Variants in MVB12B observed in about 807,000 individuals in gnomAD.
The protein encoded by MVB12B is multivesicular body subunit 12B.
MVB12B carries 16 observed loss-of-function variants against 41.6 expected under a neutral mutation model. That is an observed-to-expected ratio of 0.38 (90% CI 0.26 to 0.58). The LOEUF (loss-of-function observed/expected upper bound fraction) is 0.58, where lower values mean the gene tolerates loss of function less well. Ranked by LOEUF, MVB12B falls within the 20% of genes least tolerant of loss-of-function variation. The probability of loss-of-function intolerance (pLI) is 0.62; values close to 1 mark genes in which losing one functional copy is unlikely to be tolerated. For synonymous variants in MVB12B, 133 were observed against 139.7 expected, an observed-to-expected ratio of 0.95 and a Z score of 0.34; for missense variants, 274 against 380.2, an observed-to-expected ratio of 0.72 and a Z score of 2.32.
chr9:126,426,193 T>C (rs766610799), intron 7 of MVB12B, among the ~76,000 whole-genome samples: 5 of 152,226 alleles, frequency 3.3e-5, no homozygotes, highest in Non-Finnish European at 5.9e-5. Flanking sequence ...TCTGGCCTTT[T>C]ACAGAAAACA....
At chr9:126,357,560 T>C (rs1001067982) in intron 2 of MVB12B, among the ~76,000 whole-genome samples, 2 of 152,210 alleles carry the variant, frequency 1.3e-5, no homozygotes, top group East Asian at 1.9e-4. Context: ...TGTGTATTTG[T>C]TTATGATTTT....
rs1829420661 is a variant in MVB12B at position 126,340,631 on chromosome 9, G to A, written c.204+1G>A. 1 of 1,613,830 alleles carries A rather than the reference G, an allele frequency of 6.2e-7. No individual in the cohort carries two copies. The highest frequency in any genetic ancestry group is 1.3e-5 in the African/African-American group (1 of 74,928). On this transcript the variant is annotated splice_donor_variant, in intron 2 of 9. Coordinates refer to ENST00000361171, the MANE Select transcript of MVB12B (RefSeq NM_033446.3). LOFTEE classifies it high-confidence loss of function. This position sits in a 1 kb window ranked among gnomAD's most constrained non-coding sequence, Gnocchi z 4.0. ...CCGAGCCCCGACAGGCTATGACGTA[G>A]TAAGTCAAGATACTAGTTTGTACAT...
chr9:126,450,101 G>A (rs962288429), intron 7 of MVB12B, among the ~76,000 whole-genome samples: 2 of 152,254 alleles, frequency 1.3e-5, no homozygotes, highest in African/African-American at 4.8e-5. Context: ...TGAGAGCTCT[G>A]CAGTCAAGTT....
intron 7 of MVB12B, among the ~76,000 whole-genome samples, chr9:126,471,127 T>G (rs1833306604): frequency 6.6e-6 from 1 of 152,200 alleles, no homozygotes; most frequent in East Asian, 1.9e-4. Context: ...TGGTCTAAAC[T>G]CATTTCCTGC....
At chr9:126,454,854 A>G (rs939412878) in intron 7 of MVB12B, among the ~76,000 whole-genome samples, 37 of 151,798 alleles carry the variant, frequency 2.4e-4, no homozygotes, top group Admixed American at 1.3e-4. Context: ...GCTTTGACAC[A>G]TGGTAACAAC....
intron 6 of MVB12B, among the ~76,000 whole-genome samples, chr9:126,408,928 C>T (rs1369634393): frequency 6.6e-6 from 1 of 152,160 alleles, no homozygotes; most frequent in African/African-American, 2.4e-5. Flanking sequence ...CTGTTGCAAA[C>T]ATTCCCCTCC....
intron 7 of MVB12B, among the ~76,000 whole-genome samples, chr9:126,429,842 C>T (rs1016437121): frequency 2.6e-5 from 4 of 152,162 alleles, no homozygotes; most frequent in Non-Finnish European, 5.9e-5. Flanking sequence ...GTGCGAGTGC[C>T]TCCTCCTGGA....
At chr9:126,454,788 GT>G (rs56075883) in intron 7 of MVB12B, among the ~76,000 whole-genome samples, 19,660 of 147,216 alleles carry the variant, frequency 0.13, 1,743 homozygotes, top group East Asian at 0.44. Flanking sequence ...CCATAATTGA[GT>G]TTTTTTTTTT....
Position 126,440,134 on chromosome 9 carries a change from G to A in MVB12B, c.757+18186G>A, listed in dbSNP as rs77896481. Among the ~76,000 whole-genome samples, 1,021 of 152,260 alleles carry A rather than the reference G, an allele frequency of 6.7e-3. 11 individuals carry two copies. The highest frequency in any genetic ancestry group is 0.046 in the East Asian group (240 of 5,186). ...GTCCTGCAGACACTCGAGGGTCAGCGCGAGCCCCTTGCTGTATGGAGCCTT... is the reference window on the plus strand; with the variant it reads ...GTCCTGCAGACACTCGAGGGTCAGCACGAGCCCCTTGCTGTATGGAGCCTT... On this transcript the variant is annotated intron_variant, in intron 7 of 9. Coordinates refer to ENST00000361171, the MANE Select transcript of MVB12B (RefSeq NM_033446.3).
In MVB12B at chr9:126,391,535, C is replaced by T. The variant is rs1830952111; in HGVS notation, c.410-531C>T. On this transcript the variant is annotated intron_variant, in intron 4 of 9. Transcript: ENST00000361171. This position sits in a 1 kb window ranked among gnomAD's most constrained non-coding sequence, Gnocchi z 4.4. The stretch of plus-strand genomic sequence containing the variant: ...ATGCCTACTGAGGTATTGATGGTGA[C>T]ATAACGTAGTGTCGTCAGGGATTCA... Among the ~76,000 whole-genome samples, 1 of 152,184 alleles carries T rather than the reference C, an allele frequency of 6.6e-6. No individual in the cohort carries two copies.
At chr9:126,451,621 G>T (rs888585276) in intron 7 of MVB12B, among the ~76,000 whole-genome samples, 25 of 152,178 alleles carry the variant, frequency 1.6e-4, no homozygotes, top group African/African-American at 6.0e-4. Flanking sequence ...GGACAGGGGG[G>T]CCAAAAAGCT....
chr9:126,329,269 A>G (rs1829063492), intron 1 of MVB12B, among the ~76,000 whole-genome samples: 1 of 152,118 alleles, frequency 6.6e-6, no homozygotes, highest in Admixed American at 6.5e-5. Context: ...AACAAAGCCT[A>G]CCCCATAAAG....
intron 2 of MVB12B, among the ~76,000 whole-genome samples, chr9:126,349,153 A>T (rs1028350704): frequency 2.0e-5 from 3 of 152,160 alleles, no homozygotes; most frequent in Non-Finnish European, 4.4e-5. Context: ...GAGCACAGTT[A>T]GGATTGATTA....
intron 7 of MVB12B, among the ~76,000 whole-genome samples, chr9:126,479,634 C>A (rs1416077181): frequency 6.6e-6 from 1 of 152,182 alleles, no homozygotes; most frequent in African/African-American, 2.4e-5. Context: ...CGTCAGCTCA[C>A]AGCAGGTTGC....
At chr9:126,498,097 C>T (rs56287675) in intron 9 of MVB12B, among the ~76,000 whole-genome samples, 3 of 152,090 alleles carry the variant, frequency 2.0e-5, no homozygotes, top group African/African-American at 7.2e-5. Flanking sequence ...CCTCCCGCAG[C>T]GTTTCAGAAG....
Position 126,425,065 on chromosome 9 carries a change from G to A in MVB12B, c.757+3117G>A, listed in dbSNP as rs1588162478. Among the ~76,000 whole-genome samples the A allele has an allele frequency of 2.0e-5, 3 of 152,296 alleles. No individual in the cohort carries two copies. In the East Asian group the frequency reaches 5.8e-4, roughly 29 times the overall value. On this transcript the variant is annotated intron_variant, in intron 7 of 9. Coordinates refer to ENST00000361171, the MANE Select transcript of MVB12B (RefSeq NM_033446.3). ...AGATGTATGTGAATATTGTTAAGTG[G>A]AAAGAAAAACAGGTAACAAGTCAGA...
At chr9:126,359,532 G>T (rs1293450625) in intron 2 of MVB12B, among the ~76,000 whole-genome samples, 1 of 152,132 alleles carries the variant, frequency 6.6e-6, no homozygotes, top group African/African-American at 2.4e-5. Flanking sequence ...TCTGGGCCTG[G>T]ATGTGGGAAG....
chr9:126,435,301 G>A (rs939199064), intron 7 of MVB12B, among the ~76,000 whole-genome samples: 2 of 152,144 alleles, frequency 1.3e-5, no homozygotes, highest in African/African-American at 4.8e-5. Flanking sequence ...AAGTCCAGCC[G>A]GGGATGGAGA....
At chr9:126,476,781 G>A (rs1399201207) in intron 7 of MVB12B, among the ~76,000 whole-genome samples, 4 of 149,128 alleles carry the variant, frequency 2.7e-5, no homozygotes, top group Non-Finnish European at 5.9e-5. Context: ...GGAGGCTGAG[G>A]CAGGAGAATG....
Sources: allele counts gnomAD v4.1 joint callset (sites outside exome capture counted in the v4.1 genomes callset), GRCh38; gene constraint gnomAD v4.1.1; non-coding constraint Gnocchi (gnomAD v3.1); transcripts MANE v1.5; gene names NCBI Gene and HGNC (gene_info 2026-07-23, HGNC 2026-07-21).